Variants in RBMS3 observed in about 807,000 individuals in gnomAD.
RBMS3 encodes the protein RNA binding motif single stranded interacting protein 3, also known as RNA-binding motif, single-stranded-interacting protein 3.
In RBMS3, 27 loss-of-function variants were observed where a neutral mutation model predicts 66.8. The observed-to-expected ratio is 0.40, with a 90% CI of 0.30 to 0.56. The LOEUF (loss-of-function observed/expected upper bound fraction) is 0.56. Ranked by LOEUF, RBMS3 falls within the 20% of genes least tolerant of loss-of-function variation. The pLI is 0.40. For missense variants in RBMS3, 513 were observed against 549.5 expected (o/e 0.93, Z 0.66); for synonymous variants, 188 against 183.0 (o/e 1.03, Z -0.22).
chr3:29,628,401 A>G (rs1201926461), intron 4 of RBMS3, among the ~76,000 whole-genome samples: 4 of 151,894 alleles, frequency 2.6e-5, no homozygotes, highest in Non-Finnish European at 5.9e-5. Context: ...TTTTCCACCT[A>G]CCTCTCAGAA....
At chr3:29,570,942 C>T (rs1229431569) in intron 3 of RBMS3, among the ~76,000 whole-genome samples, 1 of 143,088 alleles carries the variant, frequency 7.0e-6, no homozygotes, top group Non-Finnish European at 1.5e-5. Flanking sequence ...TTCCCTCCAA[C>T]AGTATACAAG....
At chr3:29,406,853 C>G (rs2040039370) in intron 1 of RBMS3, among the ~76,000 whole-genome samples, 1 of 152,052 alleles carries the variant, frequency 6.6e-6, no homozygotes, top group South Asian at 2.1e-4. Flanking sequence ...AGTAGTAAAA[C>G]AATAGTTAAA....
intron 2 of RBMS3, among the ~76,000 whole-genome samples, chr3:29,462,465 G>A (rs961283566): frequency 1.3e-5 from 2 of 152,134 alleles, no homozygotes; most frequent in African/African-American, 2.4e-5. Flanking sequence ...TATTTATTAA[G>A]TATTCTGAGC....
chr3:29,454,197 G>A (rs978838701), intron 2 of RBMS3, among the ~76,000 whole-genome samples: 1 of 152,180 alleles, frequency 6.6e-6, no homozygotes, highest in Admixed American at 6.5e-5. Context: ...CCCCTCCTGG[G>A]ATCTGGCACC....
At chr3:29,909,561 G>T (rs2060467124) in intron 10 of RBMS3, among the ~76,000 whole-genome samples, 2 of 152,058 alleles carry the variant, frequency 1.3e-5, no homozygotes, top group Non-Finnish European at 2.9e-5. Context: ...AGGGGCAGTG[G>T]TGAGTCTAGA....
chr3:29,310,184 A>G lies in RBMS3; in HGVS notation c.75+28428A>G, dbSNP rs117281500. 7.2e-5 allele frequency among the ~76,000 whole-genome samples: 11 copies of G among 151,812 alleles called. No homozygotes were observed. The East Asian group carries it at 1.8e-3, about 24-fold the overall frequency. ...CCATAATCACTTCTTTCTTTAAGAG[A>G]GGAAGAAAGAGATGGTGGATAAGGA... On this transcript the variant is annotated intron_variant, in intron 1 of 14. Transcript: ENST00000383767.
intron 1 of RBMS3, among the ~76,000 whole-genome samples, chr3:29,291,847 A>G (rs565108381): frequency 1.3e-5 from 2 of 151,776 alleles, no homozygotes; most frequent in Non-Finnish European, 2.9e-5. Context: ...CACTCTCACA[A>G]GTGGTTGGGC....
intron 4 of RBMS3, among the ~76,000 whole-genome samples, chr3:29,622,889 G>C (rs563629321): frequency 3.9e-5 from 6 of 152,144 alleles, no homozygotes; most frequent in Non-Finnish European, 8.8e-5. Context: ...GGCCAAGGCG[G>C]TTGGATCACG....
At chr3:29,975,517 A>T (rs868214025) in intron 12 of RBMS3, among the ~76,000 whole-genome samples, 1 of 151,878 alleles carries the variant, frequency 6.6e-6, no homozygotes, top group Non-Finnish European at 1.5e-5. Flanking sequence ...AGTGAGTGAG[A>T]TCAATCATGT....
At chr3:29,584,788 C>T (rs546368232) in intron 3 of RBMS3, among the ~76,000 whole-genome samples, 1 of 152,130 alleles carries the variant, frequency 6.6e-6, no homozygotes, top group South Asian at 2.1e-4. Context: ...TCCATTTCAC[C>T]CTATTTCATT....
At chr3:29,579,912 G>A (rs1158016163) in intron 3 of RBMS3, among the ~76,000 whole-genome samples, 1 of 152,104 alleles carries the variant, frequency 6.6e-6, no homozygotes, top group East Asian at 1.9e-4. Flanking sequence ...CATAAATAAT[G>A]ATTCTGATAC....
chr3:29,715,145 A>C (rs1344505498), intron 4 of RBMS3, among the ~76,000 whole-genome samples: 1 of 152,096 alleles, frequency 6.6e-6, no homozygotes, highest in African/African-American at 2.4e-5. Context: ...CCTGTCCTTT[A>C]TGAATTGTAA....
chr3:29,975,586 T>A (rs1697531732), intron 12 of RBMS3, among the ~76,000 whole-genome samples: 1 of 151,918 alleles, frequency 6.6e-6, no homozygotes, highest in Non-Finnish European at 1.5e-5. Context: ...ATTGTCTTGT[T>A]TTTTAATAAA....
At chr3:29,984,442 T>G (rs953951526) in intron 12 of RBMS3, among the ~76,000 whole-genome samples, 1 of 151,872 alleles carries the variant, frequency 6.6e-6, no homozygotes, top group Non-Finnish European at 1.5e-5. Flanking sequence ...CTCTGTCCAG[T>G]TTTGTTCTCT....
intron 3 of RBMS3, among the ~76,000 whole-genome samples, chr3:29,492,546 A>G (rs571441272): frequency 9.2e-5 from 14 of 152,344 alleles, no homozygotes; most frequent in African/African-American, 3.4e-4. Flanking sequence ...CGGAGAAATA[A>G]TGGGATGGGA....
At chr3:29,471,274 G>A (rs1463461198) in intron 2 of RBMS3, among the ~76,000 whole-genome samples, 1 of 152,142 alleles carries the variant, frequency 6.6e-6, no homozygotes, top group African/African-American at 2.4e-5. Flanking sequence ...ATCAACTTAT[G>A]TCAGTACTCA....
intron 10 of RBMS3, among the ~76,000 whole-genome samples, chr3:29,934,941 T>G (rs575443898): frequency 2.6e-5 from 4 of 152,090 alleles, no homozygotes; most frequent in Non-Finnish European, 5.9e-5. Flanking sequence ...GTAATTAGTT[T>G]GGGTGCCGAG....
chr3:29,375,776 T>C (rs2038432347), intron 1 of RBMS3, among the ~76,000 whole-genome samples: 1 of 152,168 alleles, frequency 6.6e-6, no homozygotes, highest in African/African-American at 2.4e-5. Flanking sequence ...GTTCAACCAT[T>C]GTGGAAGACA....
chr3:29,824,776 A>G (rs2058163142), intron 6 of RBMS3, among the ~76,000 whole-genome samples: 1 of 152,228 alleles, frequency 6.6e-6, no homozygotes, highest in South Asian at 2.1e-4. Context: ...CCATACAAGA[A>G]AAAAGCACAC....
Sources: allele counts gnomAD v4.1 joint callset (sites outside exome capture counted in the v4.1 genomes callset), GRCh38; gene constraint gnomAD v4.1.1; transcripts MANE v1.5; gene names NCBI Gene and HGNC (gene_info 2026-07-23, HGNC 2026-07-21).